Variants in MDFIC2 observed in about 807,000 individuals in gnomAD.
MDFIC2 encodes myoD family inhibitor domain-containing protein 2.
Position 70,196,614 on chromosome 3 carries a change from C to T in MDFIC2, c.*312G>A, listed in dbSNP as rs914729823. On this transcript the variant is annotated 3_prime_UTR_variant, in exon 4 of 4. Coordinates refer to ENST00000567252, the MANE Select transcript of MDFIC2 (RefSeq NM_001364677.1). ...TAATGCAAGCTGATGAGTGCAATAA[C>T]GCAGTGGCTTAACATGCTATTTTAT... Among the ~76,000 whole-genome samples, 4 of 152,118 alleles carry T rather than the reference C, an allele frequency of 2.6e-5. No homozygotes were observed. The highest frequency in any genetic ancestry group is 3.9e-4 in the East Asian group (2 of 5,182).
At chr3:70,202,641 C>T (rs955802982) in intron 3 of MDFIC2, among the ~76,000 whole-genome samples, 4 of 152,118 alleles carry the variant, frequency 2.6e-5, no homozygotes, top group African/African-American at 9.7e-5. Flanking sequence ...CAGAGACCTG[C>T]AGGCTGCACA....
chr3:70,217,186 G>A (rs137871221), intron 2 of MDFIC2, among the ~76,000 whole-genome samples: 5 of 152,194 alleles, frequency 3.3e-5, no homozygotes, highest in South Asian at 2.1e-4. Flanking sequence ...CTGGGAGACC[G>A]TAGGTACTCA....
rs1701158297 is a variant in MDFIC2 at position 70,194,666 on chromosome 3, T to C, written c.*2260A>G. ...GACCACATTACCACATAAGACCTGG[T>C]GATTTTTATGTCTCTAATTGACAAG... is the stretch of plus-strand genomic sequence containing the variant. On this transcript the variant is annotated 3_prime_UTR_variant, in exon 4 of 4. Transcript: ENST00000567252. Among the ~76,000 whole-genome samples, 2 of 152,242 alleles carry C rather than the reference T, an allele frequency of 1.3e-5. No homozygotes were observed. Among genetic ancestry groups the C allele is most frequent in the Non-Finnish European group, 2.9e-5 (2 of 68,036 alleles).
At chr3:70,282,412 G>A (rs972181422) in intron 2 of MDFIC2, among the ~76,000 whole-genome samples, 1 of 152,152 alleles carries the variant, frequency 6.6e-6, no homozygotes. Flanking sequence ...GTTAGTTACA[G>A]AAGCTAATGA....
At chr3:70,268,256 A>G (rs1179407188) in intron 2 of MDFIC2, among the ~76,000 whole-genome samples, 1 of 152,120 alleles carries the variant, frequency 6.6e-6, no homozygotes, top group African/African-American at 2.4e-5. Context: ...AGATTGCCTG[A>G]GCGCAGAAGT....
intron 2 of MDFIC2, among the ~76,000 whole-genome samples, chr3:70,307,605 A>G (rs371582823): frequency 6.6e-6 from 1 of 151,422 alleles, no homozygotes; most frequent in African/African-American, 2.4e-5. Flanking sequence ...TTCAGGTCAT[A>G]TTTTTCTCGC....
chr3:70,213,728 C>T (rs1031126205), intron 2 of MDFIC2, among the ~76,000 whole-genome samples: 2 of 152,216 alleles, frequency 1.3e-5, no homozygotes, highest in Admixed American at 6.5e-5. Flanking sequence ...TATGATTATA[C>T]TCTCTGCAGC....
intron 2 of MDFIC2, among the ~76,000 whole-genome samples, chr3:70,236,414 A>G (rs2106748922): frequency 6.6e-6 from 1 of 152,276 alleles, no homozygotes; most frequent in South Asian, 2.1e-4. Flanking sequence ...GCCTCTAAAG[A>G]GTTCTACCTG....
intron 2 of MDFIC2, among the ~76,000 whole-genome samples, chr3:70,213,024 G>T (rs879469486): frequency 6.6e-6 from 1 of 152,050 alleles, no homozygotes; most frequent in African/African-American, 2.4e-5. Flanking sequence ...GCCTGGGCTG[G>T]TCTTGAATTC....
intron 2 of MDFIC2, among the ~76,000 whole-genome samples, chr3:70,237,365 G>A (rs1366587052): frequency 1.3e-5 from 2 of 152,094 alleles, no homozygotes; most frequent in Non-Finnish European, 2.9e-5. Flanking sequence ...CCTCTCATAT[G>A]TGTGATCTTT....
intron 1 of MDFIC2, among the ~76,000 whole-genome samples, chr3:70,312,175 A>G (rs1996814): frequency 0.36 from 54,437 of 151,980 alleles, 10,101 homozygotes; most frequent in East Asian, 0.62. Flanking sequence ...TAAACTTTAT[A>G]TGATATTTCT....
intron 2 of MDFIC2, among the ~76,000 whole-genome samples, chr3:70,214,607 C>CTTTTT (rs11391954): frequency 7.1e-6 from 1 of 140,312 alleles, no homozygotes. Flanking sequence ...CTGAAGTGGG[C>CTTTTT]TTTTTTTTTT....
At chr3:70,304,772 C>G (rs1226532705) in intron 2 of MDFIC2, among the ~76,000 whole-genome samples, 1 of 152,156 alleles carries the variant, frequency 6.6e-6, no homozygotes, top group Non-Finnish European at 1.5e-5. Flanking sequence ...ATATGTTACC[C>G]TGTTTAGAAT....
chr3:70,284,987 T>A (rs1270467142), intron 2 of MDFIC2, among the ~76,000 whole-genome samples: 1 of 152,190 alleles, frequency 6.6e-6, no homozygotes, highest in East Asian at 1.9e-4. Context: ...TGGGTTAAAC[T>A]TAAATCACTG....
At chr3:70,250,639 C>A (rs997928504) in intron 2 of MDFIC2, among the ~76,000 whole-genome samples, 2 of 152,158 alleles carry the variant, frequency 1.3e-5, no homozygotes, top group African/African-American at 4.8e-5. Flanking sequence ...TTTCAAATTA[C>A]GCTGTGTTTT....
chr3:70,197,634 A>C (rs1375044461), intron 3 of MDFIC2, among the ~76,000 whole-genome samples: 1 of 152,194 alleles, frequency 6.6e-6, no homozygotes, highest in East Asian at 1.9e-4. Context: ...AGGCTTTGTT[A>C]TTTTTCGACA....
At chr3:70,238,838 G>C (rs976902301) in intron 2 of MDFIC2, among the ~76,000 whole-genome samples, 1 of 152,018 alleles carries the variant, frequency 6.6e-6, no homozygotes. Context: ...GTAATGGAAA[G>C]AGACTCACAG....
intron 3 of MDFIC2, among the ~76,000 whole-genome samples, chr3:70,200,060 A>G (rs1292387314): frequency 1.3e-5 from 2 of 152,042 alleles, no homozygotes; most frequent in Non-Finnish European, 1.5e-5. Context: ...GCTTTTCCTC[A>G]TCATACCTTC....
chr3:70,245,747 T>C (rs1287630317), intron 2 of MDFIC2, among the ~76,000 whole-genome samples: 2 of 129,758 alleles, frequency 1.5e-5, no homozygotes, highest in Non-Finnish European at 3.2e-5. Flanking sequence ...GCTCCCTGAG[T>C]TATGTAATTG....
Sources: allele counts gnomAD v4.1 joint callset (sites outside exome capture counted in the v4.1 genomes callset), GRCh38; gene constraint gnomAD v4.1.1; transcripts MANE v1.5; gene names NCBI Gene and HGNC (gene_info 2026-07-23, HGNC 2026-07-21).